The following CNOT1 variants were observed in gnomAD, a reference collection of about 807,000 sequenced individuals.
CNOT1 encodes CCR4-associated factor 1.
In CNOT1, 15 loss-of-function variants were observed where a neutral mutation model predicts 273.8. The observed-to-expected ratio is 0.05, with a 90% CI of 0.04 to 0.08. The LOEUF is 0.08. Ranked by LOEUF, CNOT1 falls within the 10% of genes least tolerant of loss-of-function variation. CNOT1 has a pLI of 1.00. For synonymous variants in CNOT1, 1,022 were observed against 1,005.5 expected (o/e 1.02, Z -0.31); for missense variants, 1,644 against 2,912.2 (o/e 0.56, Z 10.02).
At chr16:58,526,773 C>T (rs1295178224) in intron 44 of CNOT1, among the ~76,000 whole-genome samples, 9 of 149,264 alleles carry the variant, frequency 6.0e-5, no homozygotes, top group Admixed American at 5.4e-4. Flanking sequence ...CCACAGCTCG[C>T]GCCATTGCGC....
chr16:58,551,409 G>C, intron 23 of CNOT1, 137 bp from the exon 24 acceptor site: 2 of 1,188,926 alleles, frequency 1.7e-6, no homozygotes, highest in Non-Finnish European at 2.3e-6. Context: ...CAAGAATAGT[G>C]AACTATTAAT....
intron 1 of CNOT1, among the ~76,000 whole-genome samples, chr16:58,607,913 T>G (rs2042745925): frequency 6.6e-6 from 1 of 151,950 alleles, no homozygotes; most frequent in Admixed American, 6.6e-5. Flanking sequence ...GACTCACACC[T>G]GTAAACCCAG....
At chr16:58,524,473 T>C (rs2039819145) in intron 46 of CNOT1, among the ~76,000 whole-genome samples, 1 of 152,016 alleles carries the variant, frequency 6.6e-6, no homozygotes, top group African/African-American at 2.4e-5. Flanking sequence ...GCCGAGCTCT[T>C]GGACGTGATG....
At chr16:58,577,727 T>G (rs2041507934) in intron 13 of CNOT1, among the ~76,000 whole-genome samples, 1 of 151,970 alleles carries the variant, frequency 6.6e-6, no homozygotes. Flanking sequence ...TGGTCCCATC[T>G]ACTTAGGATG....
At chr16:58,605,885 G>C (rs56019955) in intron 1 of CNOT1, among the ~76,000 whole-genome samples, 2 of 152,166 alleles carry the variant, frequency 1.3e-5, no homozygotes, top group East Asian at 3.9e-4. Context: ...TCAAACTCTG[G>C]GGCTCAGCGA....
intron 1 of CNOT1, among the ~76,000 whole-genome samples, chr16:58,617,006 T>C (rs1206448448): frequency 6.6e-6 from 1 of 152,154 alleles, no homozygotes; most frequent in Non-Finnish European, 1.5e-5. Context: ...CAAAAGCATT[T>C]TGAAATGTTT....
intron 1 of CNOT1, among the ~76,000 whole-genome samples, chr16:58,619,407 C>G (rs2043219727): frequency 6.6e-6 from 1 of 151,776 alleles, no homozygotes; most frequent in South Asian, 2.1e-4. Flanking sequence ...ATCTTTTGGT[C>G]ACACTAGAGT....
intron 13 of CNOT1, among the ~76,000 whole-genome samples, chr16:58,577,947 C>T (rs2041518307): frequency 6.6e-6 from 1 of 151,778 alleles, no homozygotes; most frequent in African/African-American, 2.4e-5. Context: ...AGCACAGGGG[C>T]TTGAAAGGCA....
intron 16 of CNOT1, among the ~76,000 whole-genome samples, chr16:58,563,764 A>G (rs557660189): frequency 1.3e-5 from 2 of 152,342 alleles, no homozygotes; most frequent in East Asian, 3.9e-4. Flanking sequence ...AATAGATGCA[A>G]TAACACTGCT....
intron 12 of CNOT1, 131 bp from the exon 13 acceptor site, chr16:58,579,070 G>A: frequency 6.9e-7 from 1 of 1,447,128 alleles, no homozygotes; most frequent in South Asian, 1.4e-5. Context: ...GAAGTTTGAA[G>A]TCCACAGCAC....
At chr16:58,535,141 G>C (rs1364345268) in intron 39 of CNOT1, among the ~76,000 whole-genome samples, 1 of 152,126 alleles carries the variant, frequency 6.6e-6, no homozygotes, top group Admixed American at 6.6e-5. Context: ...TAAGGCTACA[G>C]AGGAAGAACA....
intron 1 of CNOT1, among the ~76,000 whole-genome samples, chr16:58,617,854 T>C (rs753768414): frequency 2.0e-5 from 3 of 151,992 alleles, no homozygotes; most frequent in Admixed American, 6.6e-5. Context: ...ACTACAACAA[T>C]AAAAATTAGC....
intron 7 of CNOT1, among the ~76,000 whole-genome samples, chr16:58,585,977 T>G (rs150503559): frequency 1.1e-4 from 16 of 151,892 alleles, no homozygotes; most frequent in African/African-American, 3.6e-4. Flanking sequence ...TAATCCACTA[T>G]CAGATTTGTT....
At chr16:58,627,099 T>C (rs1406681846) in intron 1 of CNOT1, among the ~76,000 whole-genome samples, 2 of 152,020 alleles carry the variant, frequency 1.3e-5, no homozygotes, top group African/African-American at 4.8e-5. Context: ...AGTTCATAAA[T>C]TCAAACTGGT....
At chr16:58,523,534 A>C in intron 46 of CNOT1, 32 bp from the exon 47 acceptor site, 1 of 1,610,200 alleles carries the variant, frequency 6.2e-7, no homozygotes, top group Admixed American at 1.7e-5. Context: ...CTTAGGACTT[A>C]GTCTGAAAGG....
chr16:58,616,854 T>G (rs1175300570), intron 1 of CNOT1, among the ~76,000 whole-genome samples: 3 of 152,154 alleles, frequency 2.0e-5, no homozygotes, highest in African/African-American at 4.8e-5. Context: ...CATGTGCCAT[T>G]GTAAAACTAA....
At chr16:58,568,109 A>C (rs1873748782) in intron 16 of CNOT1, among the ~76,000 whole-genome samples, 1 of 152,240 alleles carries the variant, frequency 6.6e-6, no homozygotes, top group Admixed American at 6.5e-5. Context: ...ACGGTGGCTC[A>C]CGCCTGTAAT....
rs2039972540 is a variant in CNOT1 at position 58,537,920 on chromosome 16, A to G, written c.5385T>C (p.Asn1795=). The change falls in exon 38 of 49, where the codon AAT becomes AAC. Residue 1795 remains asparagine (N), a synonymous_variant. Coordinates refer to ENST00000317147, the MANE Select transcript of CNOT1 (RefSeq NM_016284.5). The part of the protein sequence containing the change: ...FHTIETLMRI[N]AHSRGNAPEG... Reference sequence around the variant, plus strand: ...CTGGAGCATTGCCTCTGGAATGAGCATTAATCCTCATGAGGGTTTCAATGG... The same window carrying G: ...CTGGAGCATTGCCTCTGGAATGAGCGTTAATCCTCATGAGGGTTTCAATGG... The G allele has an allele frequency of 1.2e-6, 2 of 1,614,096 alleles. No individual in the cohort carries two copies. The highest frequency in any genetic ancestry group is 1.7e-6 in the Non-Finnish European group (2 of 1,180,044).
chr16:58,620,602 T>TC (rs549566212), intron 1 of CNOT1, among the ~76,000 whole-genome samples: 19 of 139,804 alleles, frequency 1.4e-4, no homozygotes, highest in Non-Finnish European at 2.2e-4. Context: ...TGAGCCAAGC[T>TC]CGCGACACTA....
Sources: gnomAD v4.1 joint callset for allele counts (sites outside exome capture counted in the v4.1 genomes callset) on GRCh38, gnomAD v4.1.1 for gene constraint, MANE v1.5 for transcripts, NCBI Gene and HGNC (gene_info 2026-07-23, HGNC 2026-07-21) for gene names.